Variants in ARSG observed in about 807,000 individuals in gnomAD.
The protein encoded by ARSG is arylsulfatase G.
A neutral mutation model predicts 50.5 loss-of-function variants in ARSG; 37 were observed. That is an observed-to-expected ratio of 0.73 (90% confidence interval 0.56 to 0.96). The LOEUF (loss-of-function observed/expected upper bound fraction) is 0.96, where lower values mean the gene tolerates loss of function less well. Among genes scored for constraint, ARSG ranks in the 50% least tolerant of loss-of-function variants. The pLI is 0.00. For missense variants in ARSG, 629 were observed against 675.3 expected, an observed-to-expected ratio of 0.93 and a Z score of 0.76; for synonymous variants, 225 against 254.6, an observed-to-expected ratio of 0.88 and a Z score of 1.11.
intron 4 of ARSG, among the ~76,000 whole-genome samples, chr17:68,347,982 A>G (rs2078589539): frequency 6.6e-6 from 1 of 152,188 alleles, no homozygotes; most frequent in African/African-American, 2.4e-5. Context: ...GAAGGTTTGC[A>G]TTGGAAGATT....
rs139353004 is a variant in ARSG at position 68,278,157 on chromosome 17, C to G, written c.-552+18731C>G. The stretch of plus-strand genomic sequence containing the variant: ...GATCCTGCTATTGGATTCATTAAAA[C>G]TGTCCATTAAGTCATTAAAGAAGAC... On this transcript the variant is annotated intron_variant, in intron 1 of 11. Transcript: ENST00000448504. 4.3e-6 allele frequency: 7 copies of G among 1,614,014 alleles called. No individual in the cohort carries two copies. Among genetic ancestry groups the G allele is most frequent in the African/African-American group, 2.7e-5 (2 of 74,910 alleles).
chr17:68,377,240 G>A (rs1038761206), intron 8 of ARSG, among the ~76,000 whole-genome samples: 3 of 152,172 alleles, frequency 2.0e-5, no homozygotes, highest in African/African-American at 7.2e-5. Flanking sequence ...AGGCATCCCC[G>A]AGGCCAGCCA....
intron 2 of ARSG, among the ~76,000 whole-genome samples, chr17:68,309,207 CG>C (rs2076741927): frequency 6.6e-6 from 1 of 152,082 alleles, no homozygotes; most frequent in South Asian, 2.1e-4. Flanking sequence ...GCTCCGAGTG[CG>C]GGGCCCGCCA....
At chr17:68,338,836 C>T (rs1379698794) in intron 2 of ARSG, among the ~76,000 whole-genome samples, 1 of 152,198 alleles carries the variant, frequency 6.6e-6, no homozygotes, top group Non-Finnish European at 1.5e-5. Flanking sequence ...CTTGGACTTT[C>T]GTTTGAAAAT....
At chr17:68,323,074 T>G (rs1373992785) in intron 2 of ARSG, among the ~76,000 whole-genome samples, 3 of 151,986 alleles carry the variant, frequency 2.0e-5, no homozygotes, top group Non-Finnish European at 4.4e-5. Flanking sequence ...TCATCCTAAT[T>G]ATTGGAAGAC....
chr17:68,376,281 T>TTTTG (rs1555786022), intron 8 of ARSG, among the ~76,000 whole-genome samples: 1 of 148,652 alleles, frequency 6.7e-6, no homozygotes, highest in Non-Finnish European at 1.5e-5. Flanking sequence ...CCCTGCATTT[T>TTTTG]TTTTTTTTTT....
At chr17:68,335,431 G>A (rs1445307568) in intron 2 of ARSG, among the ~76,000 whole-genome samples, 3 of 151,594 alleles carry the variant, frequency 2.0e-5, no homozygotes, top group Admixed American at 1.3e-4. Context: ...GCGGGCGCCT[G>A]TAGTCCCAGC....
At chr17:68,368,775 G>A (rs762506308) in intron 7 of ARSG, 31 bp downstream of exon 7, 2 of 1,605,096 alleles carry the variant, frequency 1.2e-6, no homozygotes, top group South Asian at 2.2e-5. Flanking sequence ...CAGCCTAACT[G>A]CCATTTAATA....
chr17:68,276,279 C>T (rs1182034293), intron 1 of ARSG, among the ~76,000 whole-genome samples: 2 of 151,588 alleles, frequency 1.3e-5, no homozygotes, highest in African/African-American at 4.8e-5. Flanking sequence ...TTCTACCTTA[C>T]CCAAAGGGTA....
chr17:68,287,294 C>T (rs1046299392), upstream of ARSG, among the ~76,000 whole-genome samples: 1 of 150,564 alleles, frequency 6.6e-6, no homozygotes, highest in Non-Finnish European at 1.5e-5. Flanking sequence ...TGGGATTACA[C>T]GCGTGAGCCA....
the ARSG span, chr17:68,433,439 G>T: frequency 6.3e-7 from 1 of 1,593,872 alleles, no homozygotes; most frequent in South Asian, 1.1e-5. Context: ...TTCGTTTAAT[G>T]AGCATTTGGT....
chr17:68,338,232 C>T (rs367937683), intron 2 of ARSG, among the ~76,000 whole-genome samples: 3 of 152,176 alleles, frequency 2.0e-5, no homozygotes, highest in African/African-American at 4.8e-5. Flanking sequence ...TGTGTGTGCG[C>T]GTGTGGGTGT....
At chr17:68,345,273 AC>A (rs2078454029) in intron 3 of ARSG, among the ~76,000 whole-genome samples, 1 of 152,212 alleles carries the variant, frequency 6.6e-6, no homozygotes, top group Non-Finnish European at 1.5e-5. Flanking sequence ...GGAGATCGAG[AC>A]CAGCCTGGGC....
At chr17:68,267,528 G>A (rs1158419308) in intron 1 of ARSG, 1 of 152,190 alleles carries the variant, frequency 6.6e-6, no homozygotes, top group Non-Finnish European at 1.5e-5. Context: ...TCAAGCTTGT[G>A]TGTACCTGTA....
intron 2 of ARSG, among the ~76,000 whole-genome samples, chr17:68,310,125 C>T (rs543106922): frequency 9.2e-5 from 14 of 152,042 alleles, no homozygotes; most frequent in African/African-American, 3.1e-4. Flanking sequence ...AGGTGTGTGC[C>T]ACCTGGGGAG....
At chr17:68,356,958 G>A (rs1469601159) in intron 6 of ARSG, among the ~76,000 whole-genome samples, 154 bp downstream of exon 6, 2 of 152,204 alleles carry the variant, frequency 1.3e-5, no homozygotes, top group African/African-American at 4.8e-5. Flanking sequence ...AAGTAAAGCT[G>A]GAAAACAGCC....
At chr17:68,330,983 G>GTA (rs1555774017) in intron 2 of ARSG, among the ~76,000 whole-genome samples, 3 of 89,374 alleles carry the variant, frequency 3.4e-5, no homozygotes, top group Non-Finnish European at 8.8e-5. Context: ...TTTTGCGGGG[G>GTA]GGGGGGGAGG....
At chr17:68,331,986 G>A (rs1163877752) in intron 2 of ARSG, among the ~76,000 whole-genome samples, 1 of 152,176 alleles carries the variant, frequency 6.6e-6, no homozygotes, top group Non-Finnish European at 1.5e-5. Context: ...TGAAGTTTCC[G>A]ACATGCATTG....
chr17:68,408,185 A>G (rs2081824893), intron 11 of ARSG, among the ~76,000 whole-genome samples: 1 of 151,968 alleles, frequency 6.6e-6, no homozygotes, highest in Non-Finnish European at 1.5e-5. Context: ...CAGGTTAGTT[A>G]CATATGTATA....
Sources: allele counts gnomAD v4.1 joint callset (sites outside exome capture counted in the v4.1 genomes callset), GRCh38; gene constraint gnomAD v4.1.1; transcripts MANE v1.5; gene names NCBI Gene and HGNC (gene_info 2026-07-23, HGNC 2026-07-21).